RFX7: variants seen among roughly 807,000 people sequenced by gnomAD.
RFX7 encodes regulatory factor X7.
A neutral mutation model predicts 111.8 loss-of-function variants in RFX7; 26 were observed. That is an observed-to-expected ratio of 0.23 (90% CI 0.17 to 0.32). The LOEUF is 0.32. Ranked by LOEUF, RFX7 falls within the 10% of genes least tolerant of loss-of-function variation. The pLI, the probability that RFX7 is intolerant of heterozygous loss-of-function variation, is 1.00. For synonymous variants in RFX7, 624 were observed against 624.4 expected (o/e 1.00, Z 0.01); for missense variants, 1,573 against 1,772.9 (o/e 0.89, Z 2.02).
At chr15:56,218,326 T>C (rs2043387581) in intron 2 of RFX7, among the ~76,000 whole-genome samples, 1 of 151,866 alleles carries the variant, frequency 6.6e-6, no homozygotes, top group Admixed American at 6.6e-5. Context: ...GAGATGGGGT[T>C]ACACCACGTT....
At chr15:56,225,940 T>TA (rs1297164822) in intron 2 of RFX7, among the ~76,000 whole-genome samples, 4 of 152,128 alleles carry the variant, frequency 2.6e-5, no homozygotes, top group African/African-American at 9.7e-5. Flanking sequence ...TTTTATAAAT[T>TA]ATATGAATAA....
At chr15:56,099,208 G>A (rs1481228777) in intron 8 of RFX7, among the ~76,000 whole-genome samples, 2 of 152,104 alleles carry the variant, frequency 1.3e-5, no homozygotes, top group Admixed American at 6.6e-5. Context: ...GAGAAGAAAG[G>A]AGAGGAACAA....
At chr15:56,193,934 A>C (rs1191518244) in intron 2 of RFX7, among the ~76,000 whole-genome samples, 11 of 152,196 alleles carry the variant, frequency 7.2e-5, no homozygotes, top group Non-Finnish European at 1.5e-4. Context: ...CTCACAAAGA[A>C]ATGTCACAAA....
chr15:56,158,827 AAAC>A (rs1314954570), intron 3 of RFX7, among the ~76,000 whole-genome samples: 1 of 152,126 alleles, frequency 6.6e-6, no homozygotes, highest in Admixed American at 6.6e-5. Flanking sequence ...CAACAAAACA[AAAC>A]AACCCACCCC....
intron 5 of RFX7, among the ~76,000 whole-genome samples, chr15:56,129,911 T>A (rs2042190845): frequency 6.6e-6 from 1 of 152,184 alleles, no homozygotes. Context: ...GTACAATTTG[T>A]AAAGATTTTC....
intron 3 of RFX7, among the ~76,000 whole-genome samples, chr15:56,149,575 T>G (rs1173431356): frequency 2.0e-5 from 3 of 151,930 alleles, no homozygotes; most frequent in African/African-American, 7.2e-5. Context: ...GGGTGGGGCG[T>G]CACTTCACCT....
intron 5 of RFX7, among the ~76,000 whole-genome samples, chr15:56,113,499 C>T (rs1473229529): frequency 4.0e-5 from 6 of 151,788 alleles, no homozygotes; most frequent in Non-Finnish European, 5.9e-5. Context: ...TGGCCTGTTG[C>T]GGGGGCGGTG....
chr15:56,095,300 G>C lies in RFX7; in HGVS notation c.2428C>G (p.His810Asp), dbSNP rs1420571291. Reference protein sequence around the residue: ...QDISVMTIPEHSDINDLEKSV... With the variant: ...QDISVMTIPEDSDINDLEKSV... Reference sequence around the variant, plus strand: ...TTCTCTAAGTCATTGATATCAGAGTGCTCAGGAATTGTCATAACACTGATA... The same window carrying C: ...TTCTCTAAGTCATTGATATCAGAGTCCTCAGGAATTGTCATAACACTGATA... Residue 810 changes from histidine (H) to aspartate (D), a missense_variant, in exon 10 of 10, where the codon CAC (histidine) becomes GAC (aspartate). Transcript: ENST00000559447. The C allele has an allele frequency of 6.2e-7, 1 of 1,613,812 alleles. No individual in the cohort carries two copies.
chr15:56,210,832 A>C (rs1229742562), intron 2 of RFX7, among the ~76,000 whole-genome samples: 7 of 152,106 alleles, frequency 4.6e-5, no homozygotes, highest in Admixed American at 4.6e-4. Context: ...CTGAATACAT[A>C]TATTAGAAAA....
rs77015772 is a variant in RFX7, at chr15:56,195,519, A to G, written c.162-16216T>C. 1.7e-3 allele frequency among the ~76,000 whole-genome samples: 261 copies of G among 152,252 alleles called. 6 individuals are homozygous for G. The East Asian group carries it at 0.041, about 24-fold the overall frequency. On this transcript the variant is annotated intron_variant, in intron 2 of 9. Coordinates refer to ENST00000559447, the MANE Select transcript of RFX7 (RefSeq NM_022841.7). ...CAATTCTGTTTCTCTCTGTAATCCA[A>G]GTTGCCTTTGAAATAGTCATTGTTC...
rs1007544782 is a variant in RFX7, at chr15:56,170,975, G to T, written c.195+8295C>A. 7.9e-5 allele frequency among the ~76,000 whole-genome samples: 12 copies of T among 152,250 alleles called. 1 individual carries two copies. The highest frequency in any genetic ancestry group is 3.9e-4 in the Admixed American group (6 of 15,278). On this transcript the variant is annotated intron_variant, in intron 3 of 9. Coordinates refer to ENST00000559447, the MANE Select transcript of RFX7 (RefSeq NM_022841.7). ...GCAGAACAATGGGGAGCCAATGAAA[G>T]GTTTTAAGCAAAGGTGTGAAATAAA...
rs1358069540 is a variant in RFX7 at position 56,088,795 on chromosome 15, G to A, written c.*4550C>T. ...ATAATACCTGATTTTTCAGCTCATA[G>A]GGGGAAGGCAAGATACCAGTTAACA... On this transcript the variant is annotated 3_prime_UTR_variant, in exon 10 of 10. Coordinates refer to ENST00000559447, the MANE Select transcript of RFX7 (RefSeq NM_022841.7). 1.3e-5 allele frequency: 2 copies of A among 152,118 alleles called. No homozygotes were observed. The highest frequency in any genetic ancestry group is 3.8e-4 in the East Asian group (2 of 5,196). 9.4% of individuals were successfully genotyped at this position (152,118 alleles called of 1,614,324 possible). A position where few individuals can be genotyped will look rare whatever the true frequency, so the allele number is the denominator to read the frequency against.
chr15:56,094,814 A>T lies in RFX7; in HGVS notation c.2914T>A (p.Ser972Thr). The T allele has an allele frequency of 6.3e-7, 1 of 1,584,702 alleles. No individual in the cohort carries two copies. The highest frequency in any genetic ancestry group is 8.6e-7 in the Non-Finnish European group (1 of 1,164,886). ...GGGCTCTCCCGTGACAGACTCTGAG[A>T]TCCAGCAATCATTTCAGATGTCGGG... ...PTPTSEMIAG[S>T]QSLSRESPCS... Residue 972 changes from serine to threonine, a missense_variant, in exon 10 of 10, where the codon TCT (serine) becomes ACT (threonine). Ser to Thr is a moderately conservative substitution (Grantham distance 58). This residue lies in a region of RFX7 where 625 missense variants were observed against 632.2 expected (regional missense o/e 0.99). Transcript: ENST00000559447.
At chr15:56,182,512 T>C (rs1327089164) in intron 2 of RFX7, among the ~76,000 whole-genome samples, 3 of 152,240 alleles carry the variant, frequency 2.0e-5, no homozygotes, top group Non-Finnish European at 4.4e-5. Context: ...TTCCAGTTGT[T>C]ACTTCAAGTT....
intron 3 of RFX7, among the ~76,000 whole-genome samples, chr15:56,169,060 G>T (rs1003935665): frequency 5.3e-5 from 8 of 152,150 alleles, no homozygotes; most frequent in Non-Finnish European, 7.3e-5. Context: ...AGTCCTAGTA[G>T]ATAAAGATTT....
At chr15:56,178,186 C>T (rs2465406) in intron 3 of RFX7, among the ~76,000 whole-genome samples, 21,050 of 121,580 alleles carry the variant, frequency 0.17, 1,677 homozygotes, top group East Asian at 0.35. Context: ...CACACACACA[C>T]ACACACACAC....
At chr15:56,101,065 T>C (rs1368561156) in intron 8 of RFX7, among the ~76,000 whole-genome samples, 1 of 152,164 alleles carries the variant, frequency 6.6e-6, no homozygotes, top group Non-Finnish European at 1.5e-5. Context: ...TATAAACACA[T>C]TCTATAAATG....
intron 2 of RFX7, among the ~76,000 whole-genome samples, chr15:56,217,240 G>A (rs562939745): frequency 5.7e-4 from 86 of 152,144 alleles, no homozygotes; most frequent in African/African-American, 1.9e-3. Context: ...CTAAGAATAA[G>A]CAAAATCTCC....
In RFX7 at chr15:56,151,184, AT is replaced by A. The variant is rs552423822; in HGVS notation, c.196-6702del. ...CTCCAACCGAGCAAGACAGGCCAAC[AT>A]TCAAATTTAGGAAATACAGAGACCA... On this transcript the variant is annotated intron_variant, in intron 3 of 9. Transcript: ENST00000559447. 1.1e-3 allele frequency among the ~76,000 whole-genome samples: 173 copies of A among 152,338 alleles called. 1 individual carries two copies. Among genetic ancestry groups the A allele is most frequent in the African/African-American group, 4.1e-3 (170 of 41,568 alleles).
Sources: allele counts gnomAD v4.1 joint callset (sites outside exome capture counted in the v4.1 genomes callset), GRCh38; gene constraint gnomAD v4.1.1; regional missense constraint gnomAD v4.1.1; transcripts MANE v1.5; gene names NCBI Gene and HGNC (gene_info 2026-07-23, HGNC 2026-07-21).